The following DCC variants were observed in gnomAD, a reference collection of about 807,000 sequenced individuals.
The protein encoded by DCC is netrin receptor DCC.
In DCC, 58 loss-of-function variants were observed where a neutral mutation model predicts 172.5. The observed-to-expected ratio is 0.34, with a 90% CI of 0.27 to 0.42. DCC has a LOEUF of 0.42. Ranked by LOEUF, DCC falls within the 10% of genes least tolerant of loss-of-function variation. The pLI is 1.00. For synonymous variants in DCC, 709 were observed against 644.5 expected (o/e 1.10, Z -1.52); for missense variants, 1,740 against 1,791.0 (o/e 0.97, Z 0.51).
chr18:52,966,486 T>A (rs2040932663), intron 5 of DCC, among the ~76,000 whole-genome samples: 1 of 152,164 alleles, frequency 6.6e-6, no homozygotes. Flanking sequence ...CCCAGGAGAC[T>A]GACACAGGCT....
chr18:52,955,662 C>G (rs1389864426), intron 5 of DCC, among the ~76,000 whole-genome samples: 1 of 152,070 alleles, frequency 6.6e-6, no homozygotes, highest in Admixed American at 6.6e-5. Flanking sequence ...TGCATTCCCA[C>G]CAATAATGAA....
intron 5 of DCC, among the ~76,000 whole-genome samples, chr18:52,958,591 C>G (rs1211853338): frequency 2.6e-5 from 4 of 152,130 alleles, no homozygotes; most frequent in Middle Eastern, 6.8e-3. Flanking sequence ...AGTTGATGAC[C>G]TAAACTGGGG....
In DCC at chr18:53,499,304, G is replaced by A. The variant is rs1293144251; in HGVS notation, c.3905G>A (p.Ser1302Asn). The A allele has an allele frequency of 4.3e-6, 7 of 1,614,036 alleles. No homozygotes were observed. The highest frequency in any genetic ancestry group is 5.9e-6 in the Non-Finnish European group (7 of 1,179,986). ...GFGAGRSQSVSEGPTTQQPPM... is the reference protein window; with the variant it reads ...GFGAGRSQSVNEGPTTQQPPM... Reference sequence around the variant, plus strand: ...TTTCTTGTCTCCACTGCAGCAGTGAGTGAAGGACCAACTACCCAACAACCA... The same window carrying A: ...TTTCTTGTCTCCACTGCAGCAGTGAATGAAGGACCAACTACCCAACAACCA... Residue 1302 changes from serine (S) to asparagine (N), a missense_variant, in exon 27 of 29, where the codon AGT becomes AAT. Physicochemically the swap from Ser to Asn is conservative, Grantham distance 46 (BLOSUM62 1). Around this residue, in one of 2 missense-constraint regions of DCC, gnomAD observed 1,732 missense variants for 1,767.4 expected, o/e 0.98. Transcript: ENST00000442544.
chr18:52,563,198 T>C (rs758333702), intron 1 of DCC, among the ~76,000 whole-genome samples: 10 of 152,290 alleles, frequency 6.6e-5, no homozygotes, highest in South Asian at 2.1e-4. Context: ...TCTATCTGGA[T>C]AATCAAAGCT....
intron 15 of DCC, among the ~76,000 whole-genome samples, chr18:53,343,609 C>G (rs2144879362): frequency 6.6e-6 from 1 of 151,938 alleles, no homozygotes; most frequent in Admixed American, 6.6e-5. Flanking sequence ...TATTTGTCTA[C>G]AATTTTCTTT....
At chr18:53,388,749 G>A (rs976180303) in intron 16 of DCC, among the ~76,000 whole-genome samples, 8 of 152,206 alleles carry the variant, frequency 5.3e-5, no homozygotes, top group African/African-American at 1.9e-4. Context: ...ATGTTAAAAT[G>A]AAGTACAATC....
At chr18:52,998,848 A>G (rs556189285) in intron 5 of DCC, among the ~76,000 whole-genome samples, 1 of 152,018 alleles carries the variant, frequency 6.6e-6, no homozygotes, top group East Asian at 1.9e-4. Context: ...TTTACAAGAA[A>G]ACCTGTCTGG....
intron 9 of DCC, among the ~76,000 whole-genome samples, chr18:53,187,539 T>A (rs534512148): frequency 1.3e-5 from 2 of 152,180 alleles, no homozygotes; most frequent in Non-Finnish European, 2.9e-5. Context: ...TATAAAATAT[T>A]TTAGTATATT....
intron 9 of DCC, among the ~76,000 whole-genome samples, chr18:53,193,314 A>G (rs1454577768): frequency 6.6e-6 from 1 of 151,946 alleles, no homozygotes. Flanking sequence ...GTCCTGCCAT[A>G]TTAGACTGTG....
At chr18:52,840,105 C>A (rs1307325851) in intron 2 of DCC, among the ~76,000 whole-genome samples, 1 of 152,126 alleles carries the variant, frequency 6.6e-6, no homozygotes, top group African/African-American at 2.4e-5. Flanking sequence ...GATGTTGATG[C>A]TGAAGCTGGG....
At chr18:52,591,775 CTTTA>C (rs1568244813) in intron 1 of DCC, among the ~76,000 whole-genome samples, 1 of 144,334 alleles carries the variant, frequency 6.9e-6, no homozygotes, top group African/African-American at 2.5e-5. Flanking sequence ...GTTTTTCTTT[CTTTA>C]TTTATTTCTT....
intron 5 of DCC, among the ~76,000 whole-genome samples, chr18:52,943,737 G>GT (rs1469484802): frequency 5.3e-4 from 11 of 20,808 alleles, no homozygotes; most frequent in East Asian, 4.8e-3. Flanking sequence ...GGCAATTTAT[G>GT]GTTTTTTTTT....
At chr18:53,226,948 A>ATTTTT (rs397976119) in intron 12 of DCC, among the ~76,000 whole-genome samples, 5 of 52,948 alleles carry the variant, frequency 9.4e-5, no homozygotes, top group African/African-American at 4.7e-4. Context: ...ATATATATAT[A>ATTTTT]TTTTTTTTTT....
chr18:52,390,652 G>T (rs560027260), intron 1 of DCC, among the ~76,000 whole-genome samples: 1 of 152,026 alleles, frequency 6.6e-6, no homozygotes, highest in Non-Finnish European at 1.5e-5. Flanking sequence ...GGTGGAGTTC[G>T]CAGGTCTCCA....
chr18:53,269,803 A>G (rs2056727635), intron 12 of DCC, among the ~76,000 whole-genome samples: 2 of 152,232 alleles, frequency 1.3e-5, no homozygotes, highest in Non-Finnish European at 2.9e-5. Context: ...GTTGCTCTAG[A>G]GTCAGTTTAC....
intron 18 of DCC, 127 bp downstream of exon 18, chr18:53,397,573 A>G: frequency 3.1e-6 from 3 of 980,640 alleles, no homozygotes; most frequent in South Asian, 2.8e-5. Flanking sequence ...TTCATCCTCT[A>G]TAGTTCATAG....
Position 52,554,656 on chromosome 18 carries a change from G to A in DCC, c.92-197398G>A, listed in dbSNP as rs1396723605. Among the ~76,000 whole-genome samples the A allele has an allele frequency of 3.3e-5, 5 of 151,994 alleles. No homozygotes were observed. The East Asian group carries it at 9.6e-4, about 29-fold the overall frequency. ...TTAGATTACATAAATAAAGGAAAGG[G>A]ATACCTAGCATGATAGAGACAATGG... On this transcript the variant is annotated intron_variant, in intron 1 of 28. Transcript: ENST00000442544.
intron 5 of DCC, among the ~76,000 whole-genome samples, chr18:53,028,902 G>T (rs2041991497): frequency 6.6e-6 from 1 of 152,132 alleles, no homozygotes; most frequent in African/African-American, 2.4e-5. Flanking sequence ...TTCTTGGAAT[G>T]AAGAAAATTA....
chr18:53,514,202 T>C (rs368418049), intron 27 of DCC, among the ~76,000 whole-genome samples: 181 of 152,060 alleles, frequency 1.2e-3, no homozygotes, highest in African/African-American at 3.5e-3. Flanking sequence ...TGAATGACTA[T>C]TGGGTACATA....
Sources: gnomAD v4.1 joint callset for allele counts (sites outside exome capture counted in the v4.1 genomes callset) on GRCh38, gnomAD v4.1.1 for gene constraint, gnomAD v4.1.1 regional missense constraint, MANE v1.5 for transcripts, NCBI Gene and HGNC (gene_info 2026-07-23, HGNC 2026-07-21) for gene names.